Variants in HTT observed in about 807,000 individuals in gnomAD.
HTT encodes huntington disease protein.
A neutral mutation model predicts 362.3 loss-of-function variants in HTT; 104 were observed. The observed-to-expected ratio is 0.29, with a 90% CI of 0.24 to 0.34. The LOEUF (loss-of-function observed/expected upper bound fraction) is 0.34, where lower values mean the gene tolerates loss of function less well. Ranked by LOEUF, HTT falls within the 10% of genes least tolerant of loss-of-function variation. The pLI is 1.00. For synonymous variants in HTT, 1,577 were observed against 1,548.7 expected (o/e 1.02, Z -0.43); for missense variants, 3,301 against 3,928.6 (o/e 0.84, Z 4.27).
intron 53 of HTT, 57 bp downstream of exon 53, chr4:3,220,365 T>C: frequency 1.3e-6 from 2 of 1,566,720 alleles, no homozygotes; most frequent in Non-Finnish European, 1.8e-6. Context: ...CGGGAGGAAA[T>C]CCAGAGCCCC....
intron 41 of HTT, among the ~76,000 whole-genome samples, chr4:3,201,098 G>T (rs755368116): frequency 6.6e-6 from 1 of 152,246 alleles, no homozygotes; most frequent in African/African-American, 2.4e-5. Context: ...TTCAGCAAGC[G>T]TCTTCATTCA....
At chr4:3,084,304 A>G (rs1176533801) in intron 1 of HTT, among the ~76,000 whole-genome samples, 1 of 148,794 alleles carries the variant, frequency 6.7e-6, no homozygotes, top group Non-Finnish European at 1.5e-5. Flanking sequence ...TCCTGGGTTC[A>G]AGTGATACTT....
chr4:3,212,413 C>A, intron 48 of HTT, 151 bp from the exon 49 acceptor site: 1 of 1,047,424 alleles, frequency 9.5e-7, no homozygotes, highest in Non-Finnish European at 1.4e-6. Context: ...CCCCAAACCA[C>A]GTGCAGTCCT....
rs144370512 is a variant in HTT at position 3,147,325 on chromosome 4, T to TGC, written c.3295+378_3295+379dup. 6.4e-3 allele frequency among the ~76,000 whole-genome samples: 972 copies of TGC among 152,276 alleles called. 9 individuals carry two copies. Among genetic ancestry groups the TGC allele is most frequent in the African/African-American group, 0.022 (932 of 41,544 alleles). On this transcript the variant is annotated intron_variant, in intron 25 of 66. Transcript: ENST00000355072. ...AGAGGGGGATACACGTAAACAAAAG[T>TGC]GCAGTGGTCACACAGAGTGGCCCTA...
chr4:3,223,592 A>G, intron 55 of HTT, 32 bp downstream of exon 55: 4 of 1,570,242 alleles, frequency 2.5e-6, no homozygotes, highest in Non-Finnish European at 3.5e-6. Flanking sequence ...TCTCTGGGAC[A>G]TAGCAGGTGC....
intron 59 of HTT, 36 bp downstream of exon 59, chr4:3,229,045 G>A (rs770262026): frequency 4.1e-5 from 66 of 1,593,942 alleles, no homozygotes; most frequent in Non-Finnish European, 5.4e-5. Flanking sequence ...ACACCTGCAC[G>A]TGCCACACGC....
intron 65 of HTT, 61 bp from the exon 66 acceptor site, chr4:3,238,757 C>T (rs1212842050): frequency 1.6e-5 from 20 of 1,212,586 alleles, no homozygotes; most frequent in African/African-American, 9.4e-5. Context: ...GCCACCCAGG[C>T]GCAGCAGGTG....
chr4:3,132,513 A>T (rs767257823), intron 16 of HTT, 49 bp from the exon 17 acceptor site: 2 of 1,509,572 alleles, frequency 1.3e-6, no homozygotes, highest in South Asian at 2.3e-5. Context: ...TCGAGTTAGA[A>T]AGTTGATAGT....
In HTT at chr4:3,122,287, T is replaced by C. The variant is rs79331242; in HGVS notation, c.1274-602T>C. On this transcript the variant is annotated intron_variant, in intron 9 of 66. Coordinates refer to ENST00000355072, the MANE Select transcript of HTT (RefSeq NM_001388492.1). ...GGATCCCAGCCTCTACCACTGGGTC[T>C]GGTGCCTAGCAGGCTATGGATAAAC... Among the ~76,000 whole-genome samples the C allele has an allele frequency of 6.5e-3, 989 of 152,330 alleles. 13 individuals carry two copies. Among genetic ancestry groups the C allele is most frequent in the African/African-American group, 0.022 (930 of 41,590 alleles).
rs756082346 is a variant in HTT at position 3,157,138 on chromosome 4, A to G, written c.3692A>G (p.Tyr1231Cys). ...AAATCCTCATCACTGGGGAGTTTCT[A>G]TCATCTTCCTTCATACCTCAAACTG... is the stretch of plus-strand genomic sequence containing the variant. ...TSKSSSLGSFYHLPSYLKLHD... is the reference protein window; with the variant it reads ...TSKSSSLGSFCHLPSYLKLHD... Residue 1231 changes from tyrosine (Y) to cysteine (C), a missense_variant, in exon 28 of 67, where the codon TAT becomes TGT. Tyr to Cys is a radical substitution (Grantham distance 194). Coordinates refer to ENST00000355072, the MANE Select transcript of HTT (RefSeq NM_001388492.1). The G allele has an allele frequency of 1.3e-4, 211 of 1,613,584 alleles. 2 individuals are homozygous for G. In the Middle Eastern group the frequency reaches 2.0e-3, roughly 15 times the overall value.
chr4:3,239,276 GT>G (rs1430186470), intron 66 of HTT, among the ~76,000 whole-genome samples: 1 of 152,158 alleles, frequency 6.6e-6, no homozygotes, highest in African/African-American at 2.4e-5. Context: ...CTCTGCAGAC[GT>G]CCCGCCCACT....
chr4:3,197,189 CTG>C (rs998950662), intron 40 of HTT, among the ~76,000 whole-genome samples: 2 of 152,238 alleles, frequency 1.3e-5, no homozygotes, highest in South Asian at 2.1e-4. Context: ...ACTGTTTTCT[CTG>C]TGTTTCTGCC....
chr4:3,236,674 TGAGCAGGGTGAG>T (rs1721552270), intron 64 of HTT, among the ~76,000 whole-genome samples: 1 of 152,104 alleles, frequency 6.6e-6, no homozygotes, highest in Non-Finnish European at 1.5e-5. Flanking sequence ...GTGGTGCCTG[TGAGCAGGGTGAG>T]GAGCAGCGGC....
chr4:3,200,676 T>C (rs1394844927), intron 41 of HTT, among the ~76,000 whole-genome samples: 2 of 152,176 alleles, frequency 1.3e-5, no homozygotes, highest in Non-Finnish European at 2.9e-5. Flanking sequence ...CTGCCAGGGC[T>C]CCCAGTAGGG....
At chr4:3,154,466 C>A in intron 27 of HTT, 47 bp downstream of exon 27, 1 of 1,590,956 alleles carries the variant, frequency 6.3e-7, no homozygotes, top group Non-Finnish European at 8.6e-7. Flanking sequence ...CAGCATCTGT[C>A]ATGTAGAAAC....
chr4:3,117,340 C>A (rs1288018347), intron 8 of HTT, among the ~76,000 whole-genome samples: 2 of 151,660 alleles, frequency 1.3e-5, no homozygotes, highest in Non-Finnish European at 1.5e-5. Flanking sequence ...CTTTACCTTG[C>A]CTTGTTTTTT....
chr4:3,127,699 C>T (rs1560559366), intron 12 of HTT, 95 bp downstream of exon 12: 1 of 892,012 alleles, frequency 1.1e-6, no homozygotes, highest in Non-Finnish European at 1.7e-6. Flanking sequence ...CACAGGGGCT[C>T]ATGCCTGTAA....
intron 6 of HTT, among the ~76,000 whole-genome samples, chr4:3,109,228 T>C (rs1380032945): frequency 6.6e-6 from 1 of 152,050 alleles, no homozygotes; most frequent in East Asian, 1.9e-4. Flanking sequence ...CTTTCTTTCT[T>C]TCTTTTTTTT....
intron 53 of HTT, among the ~76,000 whole-genome samples, chr4:3,221,123 C>G (rs891411864): frequency 1.3e-5 from 2 of 152,286 alleles, no homozygotes; most frequent in South Asian, 2.1e-4. Context: ...CCTAGAAAGT[C>G]TGGCAGGGGC....
Sources: gnomAD v4.1 joint callset for allele counts (sites outside exome capture counted in the v4.1 genomes callset) on GRCh38, gnomAD v4.1.1 for gene constraint, MANE v1.5 for transcripts, NCBI Gene and HGNC (gene_info 2026-07-23, HGNC 2026-07-21) for gene names.